PLD1: variants seen among roughly 807,000 people sequenced by gnomAD.
The protein encoded by PLD1 is choline phosphatase 1.
Under a neutral mutation model 137.1 loss-of-function variants are expected in PLD1, and 112 were observed. That is an observed-to-expected ratio of 0.82 (90% CI 0.70 to 0.96). PLD1 has a LOEUF of 0.96. Ranked by LOEUF, PLD1 falls within the 40% of genes least tolerant of loss-of-function variation. PLD1 has a pLI of 0.00. For missense variants in PLD1, 1,321 were observed against 1,342.0 expected (o/e 0.98, Z 0.24); for synonymous variants, 431 against 454.7 (o/e 0.95, Z 0.66).
At chr3:171,737,469 G>A in intron 3 of PLD1, 63 bp downstream of exon 3, 1 of 1,342,084 alleles carries the variant, frequency 7.5e-7, no homozygotes, top group East Asian at 2.4e-5. Flanking sequence ...GAAAATGAAA[G>A]GCTATGTACT....
At chr3:171,627,556 A>AT (rs200279854) in intron 23 of PLD1, among the ~76,000 whole-genome samples, 4 of 151,388 alleles carry the variant, frequency 2.6e-5, no homozygotes, top group Non-Finnish European at 5.9e-5. Flanking sequence ...CAGAATATAC[A>AT]TTTTTTTTCA....
intron 21 of PLD1, among the ~76,000 whole-genome samples, chr3:171,656,193 C>G (rs1737186967): frequency 1.6e-5 from 1 of 62,058 alleles, no homozygotes. Context: ...TATTTTGAGA[C>G]AGAGTCTTGG....
intron 23 of PLD1, among the ~76,000 whole-genome samples, chr3:171,633,287 CAT>C (rs1042586047): frequency 7.2e-5 from 11 of 152,260 alleles, no homozygotes; most frequent in East Asian, 3.9e-4. Flanking sequence ...ACTAGAGAAA[CAT>C]ATGCTTTTTG....
At chr3:171,810,156 C>T (rs996314045) in intron 1 of PLD1, among the ~76,000 whole-genome samples, 1 of 152,242 alleles carries the variant, frequency 6.6e-6, no homozygotes. Context: ...GCCGCCCGCG[C>T]GGCAAAAGTG....
At chr3:171,710,237 A>G (rs1560239443) in intron 9 of PLD1, among the ~76,000 whole-genome samples, 1 of 151,748 alleles carries the variant, frequency 6.6e-6, no homozygotes, top group Non-Finnish European at 1.5e-5. Context: ...ATTTTTTTGT[A>G]TTTTTAGTAG....
rs538837805 is a variant in PLD1 at position 171,716,581 on chromosome 3, T to A, written c.759-2536A>T. On this transcript the variant is annotated intron_variant, in intron 8 of 26. Transcript: ENST00000351298. ...TTCATGTCCTTTGCCCACTTTTTAATGGAATTTTTTGTTTTTTTGCTTGTA... is the reference window on the plus strand; with the variant it reads ...TTCATGTCCTTTGCCCACTTTTTAAAGGAATTTTTTGTTTTTTTGCTTGTA... Among the ~76,000 whole-genome samples, 36 of 152,362 alleles carry A rather than the reference T, an allele frequency of 2.4e-4. 1 individual carries two copies. The highest frequency in any genetic ancestry group is 8.5e-4 in the Admixed American group (13 of 15,302).
At chr3:171,787,254 C>A (rs149966700) in intron 1 of PLD1, among the ~76,000 whole-genome samples, 1 of 152,094 alleles carries the variant, frequency 6.6e-6, no homozygotes, top group African/African-American at 2.4e-5. Flanking sequence ...AGGGTTTTAC[C>A]GAGTCTGTAT....
At chr3:171,667,294 A>G (rs929982036) in intron 19 of PLD1, among the ~76,000 whole-genome samples, 1 of 152,208 alleles carries the variant, frequency 6.6e-6, no homozygotes, top group Non-Finnish European at 1.5e-5. Context: ...GCAGGCAAGG[A>G]GCATCAAGAA....
chr3:171,733,259 C>T (rs1719084317), intron 6 of PLD1, among the ~76,000 whole-genome samples, 185 bp downstream of exon 6: 1 of 152,200 alleles, frequency 6.6e-6, no homozygotes, highest in African/African-American at 2.4e-5. Flanking sequence ...TTTAAAACAG[C>T]GTCACACCAC....
rs6785257 is a variant in PLD1, at chr3:171,604,445, T to A, written c.3000+854A>T. Among the ~76,000 whole-genome samples the A allele has an allele frequency of 1.2e-4, 18 of 148,708 alleles. No homozygotes were observed. In the South Asian group the frequency reaches 3.4e-3, roughly 28 times the overall value. On this transcript the variant is annotated intron_variant, in intron 26 of 26. Coordinates refer to ENST00000351298, the MANE Select transcript of PLD1 (RefSeq NM_002662.5). ...GAGAAAAATTGCGTATTTTCCCTAA[T>A]TTTTTTTTTTAAAGAGGTTCACGTC...
At chr3:171,723,165 A>C (rs529905611) in intron 8 of PLD1, among the ~76,000 whole-genome samples, 17 of 152,144 alleles carry the variant, frequency 1.1e-4, no homozygotes, top group Admixed American at 2.0e-4. Flanking sequence ...CCAGCCTCTG[A>C]TAAAATCTCC....
intron 24 of PLD1, 29 bp downstream of exon 24, chr3:171,620,357 T>A: frequency 6.7e-7 from 1 of 1,486,298 alleles, no homozygotes; most frequent in Non-Finnish European, 9.1e-7. Flanking sequence ...TGGCAAGGAA[T>A]ACAATTATAG....
At chr3:171,727,519 T>C (rs1014425877) in intron 6 of PLD1, among the ~76,000 whole-genome samples, 5 of 152,222 alleles carry the variant, frequency 3.3e-5, no homozygotes, top group African/African-American at 1.2e-4. Flanking sequence ...GATCAGTTCC[T>C]TAGGCCATGT....
At chr3:171,625,806 G>GA (rs1179813877) in intron 23 of PLD1, among the ~76,000 whole-genome samples, 9 of 152,256 alleles carry the variant, frequency 5.9e-5, no homozygotes, top group African/African-American at 2.2e-4. Flanking sequence ...CTGTTAGAAG[G>GA]AAAACTAACA....
chr3:171,644,933 C>G lies in PLD1; in HGVS notation c.2520G>C (p.Gln840His). 1 of 1,612,656 alleles carries G rather than the reference C, an allele frequency of 6.2e-7. No homozygotes were observed. The highest frequency in any genetic ancestry group is 8.5e-7 in the Non-Finnish European group (1 of 1,178,644). Residue 840 changes from glutamine (Q) to histidine (H), a missense_variant, in exon 22 of 27, where the codon CAG becomes CAC. Physicochemically the swap from Gln to His is conservative, Grantham distance 24. Coordinates refer to ENST00000351298, the MANE Select transcript of PLD1 (RefSeq NM_002662.5). ...ACCTGTAGTTGAAGTGCATGATTGC[C>G]TGTAGAGCATTTCCTCCGCCGGTTG... The part of the protein sequence containing the change: ...DISTGGGNAL[Q>H]AIMHFNYRTM...
chr3:171,732,319 G>A (rs774036244), intron 6 of PLD1, among the ~76,000 whole-genome samples: 6 of 152,140 alleles, frequency 3.9e-5, no homozygotes, highest in Non-Finnish European at 8.8e-5. Flanking sequence ...CCAAATTCCT[G>A]TTTTCCTGAG....
At chr3:171,728,048 G>A (rs9870386) in intron 6 of PLD1, among the ~76,000 whole-genome samples, 1 of 152,066 alleles carries the variant, frequency 6.6e-6, no homozygotes, top group Non-Finnish European at 1.5e-5. Flanking sequence ...AGTGGCTCAC[G>A]CCTGTAATCC....
At chr3:171,749,579 T>A (rs902147075) in intron 1 of PLD1, among the ~76,000 whole-genome samples, 6 of 152,182 alleles carry the variant, frequency 3.9e-5, no homozygotes, top group Middle Eastern at 3.2e-3. Context: ...TTCTGGAATA[T>A]ATATATGAAA....
rs761815873 is a variant in PLD1, at chr3:171,735,580, C to T, written c.346G>A (p.Val116Ile). 6 of 1,588,922 alleles carry T rather than the reference C, an allele frequency of 3.8e-6. No homozygotes were observed. Among genetic ancestry groups the T allele is most frequent in the Non-Finnish European group, 4.3e-6 (5 of 1,157,286 alleles). The change falls in exon 4 of 27, where the codon GTT (valine) becomes ATT (isoleucine). Residue 116 changes from valine (V) to isoleucine (I), a missense_variant. Transcript: ENST00000351298. ...TGAAAATGCTTGAATTTCCTCTTAA[C>T]TTGCCATTTAAATTCCCCATGTGTT... ...ELTHGEFKWQ[V>I]KRKFKHFQEF...
Sources: gnomAD v4.1 joint callset for allele counts (sites outside exome capture counted in the v4.1 genomes callset) on GRCh38, gnomAD v4.1.1 for gene constraint, MANE v1.5 for transcripts, NCBI Gene and HGNC (gene_info 2026-07-23, HGNC 2026-07-21) for gene names.